Variants in KDM2B observed in about 807,000 individuals in gnomAD.
KDM2B encodes lysine-specific demethylase 2B.
In KDM2B, 26 loss-of-function variants were observed where a neutral mutation model predicts 150.0. The ratio of observed to expected loss-of-function variants is 0.17; its 90% CI spans 0.13 to 0.24. KDM2B has a LOEUF of 0.24. Among genes scored for constraint, KDM2B ranks in the 10% least tolerant of loss-of-function variants. KDM2B has a pLI of 1.00. For synonymous variants in KDM2B, 734 were observed against 729.5 expected (o/e 1.01, Z -0.10); for missense variants, 1,265 against 1,816.9 (o/e 0.70, Z 5.52).
the KDM2B span, chr12:121,420,323 G>T: frequency 2.6e-6 from 4 of 1,567,654 alleles, no homozygotes; most frequent in African/African-American, 5.5e-5. Context: ...AGAAGAAAAC[G>T]CAGAGGATCG....
Position 121,467,125 on chromosome 12 carries a change from G to T in KDM2B, c.1735-13781C>A. The T allele has an allele frequency of 4.5e-6, 5 of 1,110,582 alleles. No homozygotes were observed. The highest frequency in any genetic ancestry group is 5.6e-6 in the Non-Finnish European group (5 of 890,052). The allele number at this position is 1,110,582 out of a possible 1,614,324, so 68.8% of individuals were successfully genotyped here. ...AGGCGGTCGGGAGGTCGTGCGGCGG[G>T]TCCCTCCCTCAGCCCCACCCCGGGC... is the stretch of plus-strand genomic sequence containing the variant. On this transcript the variant is annotated intron_variant, in intron 12 of 22. Transcript: ENST00000377071. This position sits in a 1 kb window ranked among gnomAD's most constrained non-coding sequence, Gnocchi z 5.1.
In KDM2B at chr12:121,446,170, C is replaced by T. The variant is rs368400762; in HGVS notation, c.1960-752G>A. The stretch of plus-strand genomic sequence containing the variant: ...CAGCACTTTGGGAGGCCAAGGCGGG[C>T]GGATCACAAGGTCAGGAGATCGAGA... On this transcript the variant is annotated intron_variant, in intron 13 of 22. Coordinates refer to ENST00000377071, the MANE Select transcript of KDM2B (RefSeq NM_032590.5). 3.5e-3 allele frequency among the ~76,000 whole-genome samples: 534 copies of T among 152,156 alleles called. 4 individuals carry two copies. Among genetic ancestry groups the T allele is most frequent in the South Asian group, 0.015 (70 of 4,820 alleles).
intron 8 of KDM2B, among the ~76,000 whole-genome samples, chr12:121,532,079 C>T (rs1887701459): frequency 6.6e-6 from 1 of 151,872 alleles, no homozygotes; most frequent in African/African-American, 2.4e-5. Context: ...CAAGATCACG[C>T]CACTGCACCC....
At chr12:121,558,354 A>T (rs949214874) in intron 4 of KDM2B, among the ~76,000 whole-genome samples, 2 of 152,068 alleles carry the variant, frequency 1.3e-5, no homozygotes, top group Non-Finnish European at 2.9e-5. Context: ...ATGAAGCCCC[A>T]CCTGGAATCA....
At chr12:121,510,507 T>A (rs1207889893) in intron 10 of KDM2B, among the ~76,000 whole-genome samples, 1 of 152,084 alleles carries the variant, frequency 6.6e-6, no homozygotes, top group African/African-American at 2.4e-5. Flanking sequence ...TAAAAATAAG[T>A]CGAGGCTGGG....
chr12:121,410,370 C>G, the KDM2B span, among the ~76,000 whole-genome samples: 1 of 152,006 alleles, frequency 6.6e-6, no homozygotes, highest in Admixed American at 6.6e-5. Context: ...AACCCCGTCT[C>G]TACTAAAAAT....
At chr12:121,561,318 C>A (rs76248711) in intron 4 of KDM2B, among the ~76,000 whole-genome samples, 1 of 152,076 alleles carries the variant, frequency 6.6e-6, no homozygotes. Context: ...AGTTCTGGAA[C>A]CTTCTCCAGC....
Position 121,430,518 on chromosome 12 carries a change from GC to G in KDM2B, c.3830-50del, listed in dbSNP as rs781916784. On this transcript the variant is annotated intron_variant, in intron 22 of 22. Coordinates refer to ENST00000377071, the MANE Select transcript of KDM2B (RefSeq NM_032590.5). This position sits in a 1 kb window ranked among gnomAD's most constrained non-coding sequence, Gnocchi z 4.4. ...GAGGTGTGAAGGCCAGGAGCCAGAA[GC>G]CCCCCCGCCGCCAGACCCAGGCACT... 1.2e-5 allele frequency: 18 copies of G among 1,445,782 alleles called. No individual in the cohort carries two copies. The highest frequency in any genetic ancestry group is 2.3e-5 in the South Asian group (2 of 86,882). The allele number at this position is 1,445,782 out of a possible 1,614,324, so 89.6% of individuals were successfully genotyped here.
At chr12:121,536,545 G>A (rs1339811030) in intron 6 of KDM2B, among the ~76,000 whole-genome samples, 1 of 152,216 alleles carries the variant, frequency 6.6e-6, no homozygotes, top group Non-Finnish European at 1.5e-5. Flanking sequence ...CTAAGGAAAG[G>A]GGGGGTCCTG....
At chr12:121,542,635 A>C (rs1053870236) in intron 6 of KDM2B, among the ~76,000 whole-genome samples, 1 of 152,246 alleles carries the variant, frequency 6.6e-6, no homozygotes, top group Non-Finnish European at 1.5e-5. Flanking sequence ...CCCAAATAAC[A>C]GTCACTATCT....
intron 13 of KDM2B, among the ~76,000 whole-genome samples, chr12:121,447,745 CCT>C (rs1399777299): frequency 1.3e-5 from 2 of 151,546 alleles, no homozygotes; most frequent in African/African-American, 4.9e-5. Context: ...CTCACTGCAA[CCT>C]CTGTCTGCCT....
intron 4 of KDM2B, among the ~76,000 whole-genome samples, chr12:121,564,637 T>C (rs1890569192): frequency 6.6e-6 from 1 of 151,848 alleles, no homozygotes; most frequent in Admixed American, 6.6e-5. Flanking sequence ...ACCCTACAAA[T>C]CAACGGAACA....
chr12:121,428,434 A>G (rs1872619635), downstream of KDM2B, among the ~76,000 whole-genome samples: 1 of 152,018 alleles, frequency 6.6e-6, no homozygotes, highest in Admixed American at 6.6e-5. Flanking sequence ...ACCTCAGGTG[A>G]TCCCTCCCAA....
At chr12:121,538,041 C>G (rs1357891734) in intron 6 of KDM2B, among the ~76,000 whole-genome samples, 1 of 151,210 alleles carries the variant, frequency 6.6e-6, no homozygotes, top group East Asian at 1.9e-4. Flanking sequence ...CTCCACGGCG[C>G]TGCCAGGCCC....
intron 12 of KDM2B, among the ~76,000 whole-genome samples, chr12:121,471,699 C>G (rs1464385131): frequency 1.3e-5 from 2 of 152,176 alleles, no homozygotes; most frequent in Non-Finnish European, 2.9e-5. Flanking sequence ...TTTCCTTGTG[C>G]CCATGTCACA....
downstream of KDM2B, among the ~76,000 whole-genome samples, chr12:121,424,660 A>C (rs1872420330): frequency 6.6e-6 from 1 of 151,792 alleles, no homozygotes; most frequent in African/African-American, 2.4e-5. Context: ...ACAGTGAGCC[A>C]AGATCACACC....
chr12:121,569,352 G>A lies in KDM2B; in HGVS notation c.397+5195C>T, dbSNP rs375864661. Among the ~76,000 whole-genome samples the A allele has an allele frequency of 3.1e-4, 47 of 152,312 alleles. No homozygotes were observed. In the South Asian group the frequency reaches 6.4e-3, roughly 21 times the overall value. On this transcript the variant is annotated intron_variant, in intron 4 of 22. Transcript: ENST00000377071. Reference sequence around the variant, plus strand: ...AGGACCCTGAGCTGGCAGGATAGACGCCTGAAGCTGCTGTGGGCCCCTTCT... The same window carrying A: ...AGGACCCTGAGCTGGCAGGATAGACACCTGAAGCTGCTGTGGGCCCCTTCT...
In KDM2B at chr12:121,537,542, G is replaced by C. The variant is rs1888235905; in HGVS notation, c.684-2952C>G. 6.6e-6 allele frequency: 1 copy of C among 152,222 alleles called. No homozygotes were observed. The allele number at this position is 152,222 out of a possible 1,614,324, so 9.4% of individuals were successfully genotyped here. On this transcript the variant is annotated intron_variant, in intron 6 of 22. Transcript: ENST00000377071. The surrounding 1 kb of genome is among the most constrained non-coding windows in gnomAD (Gnocchi z 8.7). ...GCCCTTGGGGGTTCCCGCCTGCCAC[G>C]GCCGGGCCAGCCGGGGAGGAGGGCG...
At chr12:121,462,332 C>T (rs1555293887) in intron 12 of KDM2B, among the ~76,000 whole-genome samples, 1 of 152,106 alleles carries the variant, frequency 6.6e-6, no homozygotes, top group African/African-American at 2.4e-5. Context: ...GAGCAAGAGA[C>T]TAAAAACACA....
Sources: gnomAD v4.1 joint callset for allele counts (sites outside exome capture counted in the v4.1 genomes callset) on GRCh38, gnomAD v4.1.1 for gene constraint, Gnocchi (gnomAD v3.1) non-coding constraint, MANE v1.5 for transcripts, NCBI Gene and HGNC (gene_info 2026-07-23, HGNC 2026-07-21) for gene names.